The following RAP1GAP2 variants were observed in gnomAD, a reference collection of about 807,000 sequenced individuals.
RAP1GAP2 encodes RAP1 GTPase activating protein 2, also known as rap1 GTPase-activating protein 2.
A neutral mutation model predicts 95.0 loss-of-function variants in RAP1GAP2; 27 were observed. That is an observed-to-expected ratio of 0.28 (90% confidence interval 0.21 to 0.39). RAP1GAP2 has a LOEUF of 0.39. Among genes scored for constraint, RAP1GAP2 ranks in the 10% least tolerant of loss-of-function variants. The probability of loss-of-function intolerance (pLI) is 1.00; values close to 1 mark genes in which losing one functional copy is unlikely to be tolerated. For synonymous variants in RAP1GAP2, 373 were observed against 380.9 expected, an observed-to-expected ratio of 0.98 and a Z score of 0.24; for missense variants, 771 against 970.0, an observed-to-expected ratio of 0.79 and a Z score of 2.72.
rs369285557 is a variant in RAP1GAP2 at position 2,854,133 on chromosome 17, C to T, written c.81-51151C>T. 755 of 985,464 alleles carry T rather than the reference C, an allele frequency of 7.7e-4. 3 individuals carry two copies. In the South Asian group the frequency reaches 0.01, roughly 13 times the overall value. The allele number at this position is 985,464 out of a possible 1,614,324, so 61.0% of individuals were successfully genotyped here. Reference sequence around the variant, plus strand: ...CCCCTGCAGCGCCGGCCGCTTCCCTCCGCTCTCCTGCTGCATGCCAGTTTT... The same window carrying T: ...CCCCTGCAGCGCCGGCCGCTTCCCTTCGCTCTCCTGCTGCATGCCAGTTTT... On this transcript the variant is annotated intron_variant, in intron 2 of 24. Transcript: ENST00000254695.
Position 3,018,107 on chromosome 17 carries a change from G to T in RAP1GAP2, c.1541G>T (p.Gly514Val). Residue 514 changes from glycine to valine, a missense_variant, in exon 18 of 25, where the codon GGC becomes GTC. Gly to Val is a moderately radical substitution (Grantham distance 109). Transcript: ENST00000254695. ...RSHSMETMVG[G>V]QKKSHSGGIP... The stretch of plus-strand genomic sequence containing the variant: ...CACTCCATGGAGACCATGGTGGGCG[G>T]CCAGAAGAAGTCGCACAGTGGGGGC... 1.3e-6 allele frequency: 2 copies of T among 1,591,156 alleles called. No individual in the cohort carries two copies. Among genetic ancestry groups the T allele is most frequent in the Non-Finnish European group, 1.7e-6 (2 of 1,169,196 alleles).
At chr17:2,758,181 CTT>C (rs1555537909) in intron 1 of RAP1GAP2, among the ~76,000 whole-genome samples, 1,313 of 124,128 alleles carry the variant, frequency 0.011, 25 homozygotes, top group African/African-American at 0.037. Context: ...GCCCCCCCCC[CTT>C]TTTTTTTTTT....
At chr17:2,858,439 C>T (rs910298628) in intron 2 of RAP1GAP2, among the ~76,000 whole-genome samples, 1 of 152,142 alleles carries the variant, frequency 6.6e-6, no homozygotes, top group Non-Finnish European at 1.5e-5. Flanking sequence ...CTCAAGCATA[C>T]ACAAAAGTAG....
At chr17:2,905,603 C>A (rs2042172652) in intron 3 of RAP1GAP2, among the ~76,000 whole-genome samples, 1 of 152,126 alleles carries the variant, frequency 6.6e-6, no homozygotes, top group Non-Finnish European at 1.5e-5. Context: ...ATGGGGTTGG[C>A]AGGACTCTTG....
intron 3 of RAP1GAP2, among the ~76,000 whole-genome samples, chr17:2,949,463 G>C (rs1482087604): frequency 6.6e-6 from 1 of 152,164 alleles, no homozygotes; most frequent in Admixed American, 6.5e-5. Context: ...TATGCCCTGA[G>C]CATTAACTGA....
chr17:2,983,614 C>G (rs2045453093), intron 10 of RAP1GAP2, among the ~76,000 whole-genome samples: 1 of 152,202 alleles, frequency 6.6e-6, no homozygotes, highest in Non-Finnish European at 1.5e-5. Flanking sequence ...CTGCTAAGTA[C>G]AGATAATTTA....
intron 2 of RAP1GAP2, among the ~76,000 whole-genome samples, chr17:2,893,877 C>A (rs2073801874): frequency 6.6e-6 from 1 of 152,182 alleles, no homozygotes; most frequent in Admixed American, 6.5e-5. Flanking sequence ...CCTCTGCCAC[C>A]CCCTGCTTGG....
chr17:2,999,647 C>T (rs140841154), intron 14 of RAP1GAP2, among the ~76,000 whole-genome samples: 66 of 152,110 alleles, frequency 4.3e-4, no homozygotes, highest in African/African-American at 1.1e-3. Context: ...TGTGAATCGT[C>T]AGAAGAAAAT....
At chr17:3,030,206 A>C (rs997997252) in intron 22 of RAP1GAP2, among the ~76,000 whole-genome samples, 3 of 150,608 alleles carry the variant, frequency 2.0e-5, no homozygotes, top group South Asian at 2.1e-4. Flanking sequence ...ACTCACTCTC[A>C]TGGCGCCCGG....
intron 3 of RAP1GAP2, among the ~76,000 whole-genome samples, chr17:2,914,122 C>T (rs1487994218): frequency 6.6e-6 from 1 of 152,152 alleles, no homozygotes; most frequent in African/African-American, 2.4e-5. Flanking sequence ...ATCCGCCTTC[C>T]TCAGGCCTCC....
intron 24 of RAP1GAP2, among the ~76,000 whole-genome samples, chr17:3,032,921 G>A (rs1396263523): frequency 6.6e-6 from 1 of 152,148 alleles, no homozygotes; most frequent in Admixed American, 6.5e-5. Context: ...TGCTTTGAGG[G>A]GGCACGTGGT....
intron 2 of RAP1GAP2, among the ~76,000 whole-genome samples, chr17:2,812,080 G>A (rs893387379): frequency 1.3e-5 from 2 of 152,122 alleles, no homozygotes; most frequent in African/African-American, 2.4e-5. Context: ...AGAGCTGGCC[G>A]CAGCCTACCC....
rs895036808 is a variant in RAP1GAP2 at position 2,996,231 on chromosome 17, A to T, written c.1044+765A>T. Among the ~76,000 whole-genome samples, 11 of 151,788 alleles carry T rather than the reference A, an allele frequency of 7.2e-5. 1 individual carries two copies. The highest frequency in any genetic ancestry group is 2.0e-4 in the Admixed American group (3 of 15,256). On this transcript the variant is annotated intron_variant, in intron 13 of 24. Transcript: ENST00000254695. ...CCTCCACTAGGGAGACCTGGACGAGACCCCTGTCCCCACTGCTTTCCTGCC... is the reference window on the plus strand; with the variant it reads ...CCTCCACTAGGGAGACCTGGACGAGTCCCCTGTCCCCACTGCTTTCCTGCC...
intron 2 of RAP1GAP2, among the ~76,000 whole-genome samples, chr17:2,833,429 G>A (rs1004924363): frequency 2.0e-5 from 3 of 151,996 alleles, no homozygotes; most frequent in African/African-American, 4.8e-5. Context: ...GAGCCACCGC[G>A]CCTGGCCTGT....
intron 3 of RAP1GAP2, among the ~76,000 whole-genome samples, chr17:2,947,774 C>T (rs2043759064): frequency 1.3e-5 from 2 of 152,162 alleles, no homozygotes; most frequent in East Asian, 1.9e-4. Context: ...CATCCCATCC[C>T]GCTCCCAGGG....
intron 3 of RAP1GAP2, among the ~76,000 whole-genome samples, chr17:2,923,348 T>C (rs1335650446): frequency 6.7e-6 from 1 of 148,736 alleles, no homozygotes; most frequent in East Asian, 2.1e-4. Flanking sequence ...TTTTTTTTTT[T>C]TGAGACAGAG....
intron 3 of RAP1GAP2, among the ~76,000 whole-genome samples, chr17:2,929,605 C>A (rs138351420): frequency 6.6e-6 from 1 of 152,282 alleles, no homozygotes; most frequent in Non-Finnish European, 1.5e-5. Flanking sequence ...ACTGTTTTCC[C>A]TGCATGTGCC....
chr17:2,810,993 A>G (rs2069750726), intron 2 of RAP1GAP2, among the ~76,000 whole-genome samples: 1 of 151,884 alleles, frequency 6.6e-6, no homozygotes, highest in African/African-American at 2.4e-5. Flanking sequence ...TTCATCTGGA[A>G]TCTCTGTAAC....
intron 17 of RAP1GAP2, among the ~76,000 whole-genome samples, chr17:3,010,873 CAG>C: frequency 6.6e-6 from 1 of 152,266 alleles, no homozygotes. Context: ...GACAGTCACA[CAG>C]AGTAAGCTTC....
Sources: allele counts gnomAD v4.1 joint callset (sites outside exome capture counted in the v4.1 genomes callset), GRCh38; gene constraint gnomAD v4.1.1; transcripts MANE v1.5; gene names NCBI Gene and HGNC (gene_info 2026-07-23, HGNC 2026-07-21).